The following TRAPPC13 variants were observed in gnomAD, a reference collection of about 807,000 sequenced individuals.
TRAPPC13 encodes the protein trafficking protein particle complex subunit 13.
Under a neutral mutation model 54.0 loss-of-function variants are expected in TRAPPC13, and 39 were observed. The ratio of observed to expected loss-of-function variants is 0.72; its 90% CI spans 0.56 to 0.94. TRAPPC13 has a LOEUF of 0.94. Ranked by LOEUF, TRAPPC13 falls within the 40% of genes least tolerant of loss-of-function variation. TRAPPC13 has a pLI of 0.00. For missense variants in TRAPPC13, 386 were observed against 488.1 expected (o/e 0.79, Z 1.97); for synonymous variants, 148 against 167.7 (o/e 0.88, Z 0.91).
chr5:65,657,722 G>T (rs1756703371), intron 8 of TRAPPC13, among the ~76,000 whole-genome samples: 1 of 152,012 alleles, frequency 6.6e-6, no homozygotes, highest in Non-Finnish European at 1.5e-5. Flanking sequence ...TGTCACTGAG[G>T]CTACAAAATA....
intron 11 of TRAPPC13, 36 bp downstream of exon 11, chr5:65,662,186 C>A: frequency 7.1e-7 from 1 of 1,401,130 alleles, no homozygotes; most frequent in Non-Finnish European, 9.8e-7. Flanking sequence ...GTCCTTTCTA[C>A]CTCACCTGCC....
At chr5:65,642,534 T>C (rs1425014367) in intron 4 of TRAPPC13, among the ~76,000 whole-genome samples, 1 of 152,228 alleles carries the variant, frequency 6.6e-6, no homozygotes, top group Non-Finnish European at 1.5e-5. Context: ...ATTTACTTTA[T>C]TCTTTTTCTA....
intron 6 of TRAPPC13, 113 bp downstream of exon 6, chr5:65,650,995 C>T (rs1224585664): frequency 4.0e-6 from 3 of 750,274 alleles, no homozygotes; most frequent in Admixed American, 2.4e-5. Context: ...GCAAATAGCT[C>T]AATATTTTTG....
intron 5 of TRAPPC13, 112 bp from the exon 6 acceptor site, chr5:65,650,698 C>A (rs1020475091): frequency 9.1e-6 from 7 of 768,994 alleles, no homozygotes; most frequent in Admixed American, 2.4e-5. Flanking sequence ...TCTCACACAT[C>A]CACACCATAG....
chr5:65,627,899 ACT>A (rs1185155008), intron 1 of TRAPPC13, among the ~76,000 whole-genome samples: 7 of 152,194 alleles, frequency 4.6e-5, no homozygotes, highest in Admixed American at 4.6e-4. Flanking sequence ...ATTTCTTCTA[ACT>A]CTTCAGAATC....
At chr5:65,631,765 G>T (rs1336299556) in intron 1 of TRAPPC13, among the ~76,000 whole-genome samples, 2 of 151,994 alleles carry the variant, frequency 1.3e-5, no homozygotes, top group Non-Finnish European at 2.9e-5. Context: ...TTTAATGGAG[G>T]ATCATTTTTT....
At chr5:65,644,850 C>T (rs1209096526) in intron 4 of TRAPPC13, among the ~76,000 whole-genome samples, 5 of 147,828 alleles carry the variant, frequency 3.4e-5, no homozygotes, top group Non-Finnish European at 7.4e-5. Flanking sequence ...TGCTGCACTC[C>T]AACCTGGGTG....
rs1756817069 is a variant in TRAPPC13 at position 65,660,691 on chromosome 5, C to T, written c.699-8C>T. ...AATTTTCTCCGTCTCTGTCTCCACCCCTCTCAGTGTGTCTACGTTTGGGTC... is the reference window on the plus strand; with the variant it reads ...AATTTTCTCCGTCTCTGTCTCCACCTCTCTCAGTGTGTCTACGTTTGGGTC... On this transcript the variant is annotated splice_polypyrimidine_tract_variant and splice_region_variant and intron_variant, in intron 9 of 12. Transcript: ENST00000399438. 1.3e-6 allele frequency: 2 copies of T among 1,574,576 alleles called. No homozygotes were observed. The highest frequency in any genetic ancestry group is 2.4e-5 in the South Asian group (2 of 84,374).
At chr5:65,653,413 A>G (rs1756545095) in intron 7 of TRAPPC13, among the ~76,000 whole-genome samples, 1 of 152,170 alleles carries the variant, frequency 6.6e-6, no homozygotes, top group Non-Finnish European at 1.5e-5. Context: ...ACCATCCACA[A>G]TCTGAATTTT....
intron 8 of TRAPPC13, 111 bp from the exon 9 acceptor site, chr5:65,658,257 C>A: frequency 9.5e-7 from 1 of 1,048,198 alleles, no homozygotes; most frequent in Non-Finnish European, 1.3e-6. Context: ...CAGGCATGAA[C>A]TAATCACATT....
chr5:65,628,483 G>T (rs181820336), intron 1 of TRAPPC13, among the ~76,000 whole-genome samples: 1 of 146,326 alleles, frequency 6.8e-6, no homozygotes, highest in Non-Finnish European at 1.5e-5. Context: ...TTTTTGAGAC[G>T]GAGTCTTGCC....
intron 1 of TRAPPC13, among the ~76,000 whole-genome samples, chr5:65,631,739 T>C (rs1235406106): frequency 6.6e-6 from 1 of 152,172 alleles, no homozygotes; most frequent in African/African-American, 2.4e-5. Context: ...TAATACCAAG[T>C]TGGGATCACT....
chr5:65,630,087 C>G (rs745945409), intron 1 of TRAPPC13: 14 of 1,535,916 alleles, frequency 9.1e-6, no homozygotes, highest in Middle Eastern at 1.7e-4. Flanking sequence ...CTTTATAGAG[C>G]AAGATGGACA....
intron 7 of TRAPPC13, among the ~76,000 whole-genome samples, chr5:65,655,179 A>C (rs1270379683): frequency 6.6e-6 from 1 of 152,214 alleles, no homozygotes; most frequent in African/African-American, 2.4e-5. Context: ...ACGGAACTCT[A>C]ATTGCCCAAG....
At chr5:65,662,270 T>G (rs1756874041) in intron 11 of TRAPPC13, 120 bp downstream of exon 11, 3 of 616,682 alleles carry the variant, frequency 4.9e-6, no homozygotes, top group South Asian at 4.7e-5. Context: ...CCTTCTCTGA[T>G]GTTGATATTG....
Position 65,658,371 on chromosome 5 carries a change from G to A in TRAPPC13, c.568G>A (p.Asp190Asn), listed in dbSNP as rs1459043726. 2 of 1,596,758 alleles carry A rather than the reference G, an allele frequency of 1.3e-6. No homozygotes were observed. The highest frequency in any genetic ancestry group is 1.7e-6 in the Non-Finnish European group (2 of 1,170,540). Residue 190 changes from aspartate to asparagine, a missense_variant, in exon 9 of 13, where the codon GAT (aspartate) becomes AAT (asparagine). Coordinates refer to ENST00000399438, the MANE Select transcript of TRAPPC13 (RefSeq NM_024941.4). ...NAESDLSSVT[D>N]EVFLEAQIQN... The stretch of plus-strand genomic sequence containing the variant: ...GATATTTTTTTCATATCCTCAGACT[G>A]ATGAAGTATTTCTGGAAGCCCAGAT...
chr5:65,638,881 C>T (rs138347281), intron 4 of TRAPPC13, among the ~76,000 whole-genome samples: 16 of 152,170 alleles, frequency 1.1e-4, no homozygotes, highest in Middle Eastern at 3.4e-3. Context: ...TTCAGGAGTT[C>T]GAGACCATCC....
At chr5:65,640,486 C>G (rs1034138881) in intron 4 of TRAPPC13, among the ~76,000 whole-genome samples, 3 of 152,230 alleles carry the variant, frequency 2.0e-5, no homozygotes, top group African/African-American at 7.2e-5. Context: ...GCTACCACAG[C>G]AGAGTTGTAT....
At chr5:65,636,357 AC>A (rs887439779) in intron 3 of TRAPPC13, among the ~76,000 whole-genome samples, 2 of 151,878 alleles carry the variant, frequency 1.3e-5, no homozygotes, top group Non-Finnish European at 2.9e-5. Flanking sequence ...AGCCAGGCTG[AC>A]CTTGAACTCC....
Sources: allele counts gnomAD v4.1 joint callset (sites outside exome capture counted in the v4.1 genomes callset), GRCh38; gene constraint gnomAD v4.1.1; transcripts MANE v1.5; gene names NCBI Gene and HGNC (gene_info 2026-07-23, HGNC 2026-07-21).